Variants in KCNN2 observed in about 807,000 individuals in gnomAD.
KCNN2 encodes potassium calcium-activated channel subfamily N member 2.
A neutral mutation model predicts 55.5 loss-of-function variants in KCNN2; 24 were observed. The observed-to-expected ratio is 0.43, with a 90% CI of 0.31 to 0.61. The LOEUF is 0.61. Among genes scored for constraint, KCNN2 ranks in the 20% least tolerant of loss-of-function variants. The probability of loss-of-function intolerance (pLI) is 0.08; values close to 1 mark genes in which losing one functional copy is unlikely to be tolerated. For synonymous variants in KCNN2, 431 were observed against 336.1 expected (o/e 1.28, Z -3.09); for missense variants, 754 against 853.6 (o/e 0.88, Z 1.45).
chr5:114,352,834 TGTGCACGTGA>T (rs1189683156), intron 2 of KCNN2, among the ~76,000 whole-genome samples: 1 of 151,912 alleles, frequency 6.6e-6, no homozygotes, highest in African/African-American at 2.4e-5. Context: ...CAATGTTCCT[TGTGCACGTGA>T]GAAAAATGTG....
At chr5:114,375,644 T>C (rs2150053383) in intron 2 of KCNN2, among the ~76,000 whole-genome samples, 1 of 152,192 alleles carries the variant, frequency 6.6e-6, no homozygotes, top group South Asian at 2.1e-4. Flanking sequence ...CAAATTTTAA[T>C]ACTGTTGTTG....
chr5:114,326,515 G>C (rs961868466), intron 2 of KCNN2, among the ~76,000 whole-genome samples: 3 of 152,124 alleles, frequency 2.0e-5, no homozygotes, highest in African/African-American at 7.2e-5. Context: ...GGCCAGTTCT[G>C]CCTGTGGGTC....
At chr5:114,192,071 C>G (rs895942552) in intron 1 of KCNN2, among the ~76,000 whole-genome samples, 15 of 152,204 alleles carry the variant, frequency 9.9e-5, no homozygotes, top group African/African-American at 3.1e-4. Context: ...TCATAATGCT[C>G]TGTCTACTTA....
At chr5:114,126,841 G>T (rs1250896095) in intron 1 of KCNN2, among the ~76,000 whole-genome samples, 1 of 152,136 alleles carries the variant, frequency 6.6e-6, no homozygotes, top group Non-Finnish European at 1.5e-5. Context: ...ATACAATGGG[G>T]GTACAGGCAT....
chr5:114,477,980 C>T (rs573415870), intron 5 of KCNN2, among the ~76,000 whole-genome samples: 37 of 152,260 alleles, frequency 2.4e-4, no homozygotes, highest in African/African-American at 7.7e-4. Context: ...TTCACATTGT[C>T]CTTGGCTCAC....
At chr5:114,230,282 T>TA (rs1561532308) in intron 2 of KCNN2, among the ~76,000 whole-genome samples, 173 of 118,490 alleles carry the variant, frequency 1.5e-3, no homozygotes, top group African/African-American at 5.5e-3. Flanking sequence ...TTTTTTTCTT[T>TA]CTTTCTTTTT....
At chr5:114,356,507 G>T (rs185014621) in intron 2 of KCNN2, among the ~76,000 whole-genome samples, 2 of 152,210 alleles carry the variant, frequency 1.3e-5, no homozygotes, top group African/African-American at 4.8e-5. Context: ...AACTCAGTAT[G>T]AGTTTTACTT....
intron 2 of KCNN2, among the ~76,000 whole-genome samples, chr5:114,261,251 A>G (rs1356841466): frequency 2.0e-5 from 3 of 152,320 alleles, no homozygotes; most frequent in South Asian, 4.1e-4. Flanking sequence ...TCAGCTGGTT[A>G]GAAAGATTGC....
At chr5:114,245,488 C>G (rs1248948282) in intron 2 of KCNN2, among the ~76,000 whole-genome samples, 1 of 152,060 alleles carries the variant, frequency 6.6e-6, no homozygotes, top group Non-Finnish European at 1.5e-5. Context: ...AGTGAATTGC[C>G]CAAATTCACA....
In KCNN2 at chr5:114,362,953, T is replaced by G. The variant is rs754328182; in HGVS notation, c.814T>G (p.Ser272Ala). Residue 272 changes from serine (S) to alanine (A), a missense_variant, in exon 1 of 8, where the codon TCG becomes GCG. By Grantham distance (99) the Ser-to-Ala change is moderately conservative. Transcript: ENST00000673685. Reference protein sequence around the residue: ...SAAAAAAAAVSSSAPEIVVSK... With the variant: ...SAAAAAAAAVASSAPEIVVSK... Reference sequence around the variant, plus strand: ...AGCCGCTGCCGCCGCCGCCGCTGTTTCGTCCTCAGCCCCCGAGATCGTGGT... The same window carrying G: ...AGCCGCTGCCGCCGCCGCCGCTGTTGCGTCCTCAGCCCCCGAGATCGTGGT... 6.3e-6 allele frequency: 10 copies of G among 1,578,700 alleles called. No homozygotes were observed. Among genetic ancestry groups the G allele is most frequent in the Non-Finnish European group, 7.7e-6 (9 of 1,170,228 alleles).
At chr5:114,057,782 A>G (rs1000610488) in intron 1 of KCNN2, among the ~76,000 whole-genome samples, 1 of 152,200 alleles carries the variant, frequency 6.6e-6, no homozygotes, top group Non-Finnish European at 1.5e-5. Flanking sequence ...ACAAATAGCC[A>G]ATGAATGTAT....
chr5:114,154,778 G>C (rs1752596373), intron 1 of KCNN2, among the ~76,000 whole-genome samples: 1 of 152,028 alleles, frequency 6.6e-6, no homozygotes, highest in African/African-American at 2.4e-5. Context: ...CCTTCTGATT[G>C]TCATAGAATT....
intron 2 of KCNN2, among the ~76,000 whole-genome samples, chr5:114,391,069 G>A (rs1333076853): frequency 1.3e-5 from 2 of 152,138 alleles, no homozygotes; most frequent in Non-Finnish European, 2.9e-5. Flanking sequence ...TAAGTCAGGA[G>A]AAGACAATTT....
At chr5:114,280,758 C>A (rs901113390) in intron 2 of KCNN2, among the ~76,000 whole-genome samples, 1 of 152,024 alleles carries the variant, frequency 6.6e-6, no homozygotes, top group Non-Finnish European at 1.5e-5. Flanking sequence ...TCAGAGTGAC[C>A]CTTTTAAATG....
At chr5:114,126,965 G>T (rs1438123334) in intron 1 of KCNN2, among the ~76,000 whole-genome samples, 1 of 152,150 alleles carries the variant, frequency 6.6e-6, no homozygotes, top group African/African-American at 2.4e-5. Flanking sequence ...GTTCCAAAAT[G>T]ATCTCCTTTG....
chr5:114,081,062 C>T (rs958099160), intron 1 of KCNN2, among the ~76,000 whole-genome samples: 6 of 151,900 alleles, frequency 3.9e-5, no homozygotes, highest in East Asian at 1.9e-4. Context: ...TGTACAATAG[C>T]ATCAAAAAGT....
At chr5:114,084,255 A>G (rs1750964811) in intron 1 of KCNN2, among the ~76,000 whole-genome samples, 1 of 152,082 alleles carries the variant, frequency 6.6e-6, no homozygotes, top group African/African-American at 2.4e-5. Context: ...AAAAACTGCC[A>G]AACTGTCTTC....
chr5:114,160,286 T>C (rs2112529572), intron 1 of KCNN2, among the ~76,000 whole-genome samples: 1 of 152,342 alleles, frequency 6.6e-6, no homozygotes, highest in South Asian at 2.1e-4. Flanking sequence ...AGGAGCAGGT[T>C]GTTCAGTTTC....
chr5:114,495,871 C>T (rs1428839596), intron 7 of KCNN2, 24 bp from the exon 8 acceptor site: 1 of 1,604,300 alleles, frequency 6.2e-7, no homozygotes, highest in East Asian at 2.2e-5. Flanking sequence ...TATAATTAAC[C>T]TTCTTCTCAA....
Sources: allele counts gnomAD v4.1 joint callset (sites outside exome capture counted in the v4.1 genomes callset), GRCh38; gene constraint gnomAD v4.1.1; transcripts MANE v1.5; gene names NCBI Gene and HGNC (gene_info 2026-07-23, HGNC 2026-07-21).